CDH13: variants seen among roughly 807,000 people sequenced by gnomAD.
CDH13 encodes cadherin-13.
In CDH13, 24 loss-of-function variants were observed where a neutral mutation model predicts 63.8. The observed-to-expected ratio is 0.38, with a 90% CI of 0.27 to 0.53. The LOEUF (loss-of-function observed/expected upper bound fraction) is 0.53, where lower values mean the gene tolerates loss of function less well. Ranked by LOEUF, CDH13 falls within the 20% of genes least tolerant of loss-of-function variation. The probability of loss-of-function intolerance (pLI) is 0.85; values close to 1 mark genes in which losing one functional copy is unlikely to be tolerated. For missense variants in CDH13, 1,049 were observed against 903.1 expected (o/e 1.16, Z -2.07); for synonymous variants, 503 against 355.3 (o/e 1.42, Z -4.67).
chr16:83,423,388 C>T (rs2071775657), intron 6 of CDH13, among the ~76,000 whole-genome samples: 1 of 152,104 alleles, frequency 6.6e-6, no homozygotes, highest in African/African-American at 2.4e-5. Flanking sequence ...CTTTCAATGG[C>T]ATCACCATTG....
At chr16:82,863,129 T>C (rs1346031061) in intron 2 of CDH13, among the ~76,000 whole-genome samples, 1 of 152,154 alleles carries the variant, frequency 6.6e-6, no homozygotes, top group Admixed American at 6.5e-5. Flanking sequence ...CCTAACAAAA[T>C]GATGTCGCCT....
intron 3 of CDH13, among the ~76,000 whole-genome samples, chr16:83,107,319 G>C (rs983985428): frequency 1.2e-4 from 14 of 112,686 alleles, no homozygotes; most frequent in Admixed American, 7.2e-4. Context: ...TGGGGTTGGT[G>C]GTGGTTGTGG....
intron 2 of CDH13, among the ~76,000 whole-genome samples, chr16:82,970,301 G>A (rs1908522856): frequency 6.6e-6 from 1 of 151,218 alleles, no homozygotes; most frequent in Non-Finnish European, 1.5e-5. Context: ...GTATATATGT[G>A]CCACATTTTC....
intron 2 of CDH13, among the ~76,000 whole-genome samples, chr16:82,933,881 G>GCATAGGA (rs2042581800): frequency 1.3e-5 from 2 of 152,254 alleles, no homozygotes; most frequent in South Asian, 4.1e-4. Flanking sequence ...TGCAGGAAGT[G>GCATAGGA]TGTTCCCATG....
chr16:83,214,078 C>T (rs1014916727), intron 4 of CDH13, among the ~76,000 whole-genome samples: 2 of 152,090 alleles, frequency 1.3e-5, no homozygotes, highest in Non-Finnish European at 2.9e-5. Flanking sequence ...CCCAAGGCAG[C>T]AGCGACAACC....
intron 10 of CDH13, among the ~76,000 whole-genome samples, chr16:83,692,274 C>A (rs1428385967): frequency 2.6e-5 from 4 of 152,320 alleles, no homozygotes; most frequent in Middle Eastern, 6.8e-3. Context: ...CTGCCAGATG[C>A]CTGTAAGAGC....
At chr16:82,718,800 C>G (rs181148568) in intron 1 of CDH13, among the ~76,000 whole-genome samples, 19 of 152,236 alleles carry the variant, frequency 1.2e-4, no homozygotes, top group Non-Finnish European at 2.8e-4. Flanking sequence ...TGAATTATCT[C>G]CCACCAGGTC....
intron 7 of CDH13, among the ~76,000 whole-genome samples, chr16:83,500,334 TCC>T (rs1567715412): frequency 4.3e-4 from 1 of 2,352 alleles, no homozygotes; most frequent in Non-Finnish European, 0.017. Context: ...CTCCTCCTCC[TCC>T]TCCTCCTCCT....
At chr16:83,647,560 C>A (rs1296448748) in intron 8 of CDH13, among the ~76,000 whole-genome samples, 1 of 152,150 alleles carries the variant, frequency 6.6e-6, no homozygotes, top group African/African-American at 2.4e-5. Context: ...AACTGAGTTA[C>A]TTATGAGCTG....
intron 5 of CDH13, among the ~76,000 whole-genome samples, chr16:83,322,312 G>T (rs1180078751): frequency 6.6e-6 from 1 of 152,214 alleles, no homozygotes; most frequent in South Asian, 2.1e-4. Flanking sequence ...CCTGCAGTGA[G>T]ACCATTGCTT....
chr16:82,660,040 G>A (rs373832753), intron 1 of CDH13, among the ~76,000 whole-genome samples: 95 of 152,274 alleles, frequency 6.2e-4, no homozygotes, highest in African/African-American at 2.2e-3. Context: ...GAGCTAATTT[G>A]GAGGCTTAAA....
At chr16:83,269,535 G>T (rs1362223526) in intron 5 of CDH13, among the ~76,000 whole-genome samples, 1 of 152,140 alleles carries the variant, frequency 6.6e-6, no homozygotes, top group Non-Finnish European at 1.5e-5. Context: ...GGAAGGTACA[G>T]AGTGCCATGG....
chr16:83,264,330 T>C (rs747187682), intron 5 of CDH13, among the ~76,000 whole-genome samples: 24 of 152,334 alleles, frequency 1.6e-4, no homozygotes, highest in Admixed American at 7.8e-4. Context: ...TCTTTGTTTA[T>C]GAATTTTTAT....
chr16:82,761,082 G>A, intron 1 of CDH13, among the ~76,000 whole-genome samples: 1 of 124,612 alleles, frequency 8.0e-6, no homozygotes, highest in African/African-American at 3.2e-5. Flanking sequence ...GGAGTGCAGT[G>A]GCATGATCTT....
intron 7 of CDH13, among the ~76,000 whole-genome samples, chr16:83,558,727 C>G (rs2075647814): frequency 6.6e-6 from 1 of 151,980 alleles, no homozygotes; most frequent in African/African-American, 2.4e-5. Flanking sequence ...TGTTGGAATA[C>G]CTACTACTTA....
chr16:83,172,040 G>A (rs2037941262), intron 4 of CDH13, among the ~76,000 whole-genome samples: 2 of 152,120 alleles, frequency 1.3e-5, no homozygotes, highest in South Asian at 4.2e-4. Flanking sequence ...ATAATCCCCA[G>A]TAATTCAGAG....
At chr16:83,721,992 A>G (rs1416159461) in intron 10 of CDH13, among the ~76,000 whole-genome samples, 2 of 152,086 alleles carry the variant, frequency 1.3e-5, no homozygotes, top group Non-Finnish European at 2.9e-5. Context: ...TTCATTCTGA[A>G]CTGGGAGTGG....
chr16:83,089,679 G>T (rs1422374941), intron 3 of CDH13, among the ~76,000 whole-genome samples: 2 of 152,066 alleles, frequency 1.3e-5, no homozygotes, highest in East Asian at 3.9e-4. Context: ...GGGATGTAAT[G>T]AATTCGAGTC....
intron 7 of CDH13, among the ~76,000 whole-genome samples, chr16:83,497,427 C>T (rs140245239): frequency 0.032 from 4,742 of 149,336 alleles, 101 homozygotes; most frequent in Middle Eastern, 0.052. Context: ...AACCAAACAC[C>T]GCATATTCTC....
Sources: allele counts gnomAD v4.1 joint callset (sites outside exome capture counted in the v4.1 genomes callset), GRCh38; gene constraint gnomAD v4.1.1; transcripts MANE v1.5; gene names NCBI Gene and HGNC (gene_info 2026-07-23, HGNC 2026-07-21).